The following PDE7B variants were observed in gnomAD, a reference collection of about 807,000 sequenced individuals.
PDE7B encodes the protein phosphodiesterase 7B.
Under a neutral mutation model 56.2 loss-of-function variants are expected in PDE7B, and 29 were observed. The ratio of observed to expected loss-of-function variants is 0.52; its 90% CI spans 0.38 to 0.70. PDE7B has a LOEUF of 0.70. PDE7B is among the 30% of genes least tolerant of loss of function. The probability of loss-of-function intolerance (pLI) is 0.00; values close to 1 mark genes in which losing one functional copy is unlikely to be tolerated. For missense variants in PDE7B, 490 were observed against 565.0 expected (o/e 0.87, Z 1.35); for synonymous variants, 197 against 196.9 (o/e 1.00, Z 0.00).
intron 1 of PDE7B, among the ~76,000 whole-genome samples, chr6:135,922,871 T>C (rs1015895065): frequency 6.6e-6 from 1 of 152,154 alleles, no homozygotes; most frequent in African/African-American, 2.4e-5. Flanking sequence ...GAAAAACCTT[T>C]CCTGTGGGTC....
At chr6:136,075,408 C>T (rs956876564) in intron 2 of PDE7B, among the ~76,000 whole-genome samples, 9 of 152,150 alleles carry the variant, frequency 5.9e-5, no homozygotes, top group African/African-American at 2.2e-4. Flanking sequence ...GATGACTTCT[C>T]TTTGTACGTA....
intron 1 of PDE7B, among the ~76,000 whole-genome samples, chr6:135,930,632 GT>G (rs1742953607): frequency 6.6e-6 from 1 of 152,178 alleles, no homozygotes; most frequent in Non-Finnish European, 1.5e-5. Context: ...GTTGTTTGGA[GT>G]TTGGAGGGAA....
chr6:136,052,911 C>T (rs961430432), intron 2 of PDE7B, among the ~76,000 whole-genome samples: 4 of 151,988 alleles, frequency 2.6e-5, no homozygotes, highest in Non-Finnish European at 4.4e-5. Flanking sequence ...CCCCCAGTTG[C>T]GGACATATTC....
At chr6:135,867,081 A>G (rs1775275519) in intron 1 of PDE7B, among the ~76,000 whole-genome samples, 1 of 152,160 alleles carries the variant, frequency 6.6e-6, no homozygotes, top group Admixed American at 6.6e-5. Flanking sequence ...TAAATGTAAA[A>G]TATGCTAAGT....
chr6:135,999,979 C>A (rs1205868076), intron 2 of PDE7B, among the ~76,000 whole-genome samples: 2 of 152,216 alleles, frequency 1.3e-5, no homozygotes, highest in African/African-American at 4.8e-5. Context: ...GATGGTATCA[C>A]ATTGTGGCTT....
chr6:136,082,845 C>G (rs1294582559), intron 2 of PDE7B, among the ~76,000 whole-genome samples: 4 of 152,072 alleles, frequency 2.6e-5, no homozygotes, highest in African/African-American at 2.4e-5. Flanking sequence ...GGAAAACAAA[C>G]AGTAAAAGAC....
Position 136,149,115 on chromosome 6 carries a change from A to AT in PDE7B, c.351dup (p.Asp118Ter). On this transcript the variant is annotated frameshift_variant, in exon 5 of 13. Coordinates refer to ENST00000308191, the MANE Select transcript of PDE7B (RefSeq NM_018945.4). LOFTEE classifies it high-confidence loss of function. ...ATGCTCTCCAAAGTGGGAATGTGGG[A>AT]TTTTGACATTTTCTTGTTTGATCGC... 6.2e-7 allele frequency: 1 copy of AT among 1,613,016 alleles called. No individual in the cohort carries two copies. Among genetic ancestry groups the AT allele is most frequent in the Non-Finnish European group, 8.5e-7 (1 of 1,179,116 alleles).
chr6:136,046,867 C>T (rs11154851), intron 2 of PDE7B, among the ~76,000 whole-genome samples: 10,189 of 152,120 alleles, frequency 0.067, 436 homozygotes, highest in African/African-American at 0.12. Context: ...CAAAACAAAA[C>T]CCGAAAACCT....
chr6:136,124,563 C>T (rs1361256741), intron 3 of PDE7B, among the ~76,000 whole-genome samples: 1 of 152,172 alleles, frequency 6.6e-6, no homozygotes, highest in African/African-American at 2.4e-5. Context: ...GAGAGTAATG[C>T]TGTGCCCTCA....
At chr6:136,108,857 C>CAA in intron 3 of PDE7B, 43 bp downstream of exon 3, 2 of 1,182,870 alleles carry the variant, frequency 1.7e-6, no homozygotes, top group Admixed American at 1.9e-5. Context: ...ACGTTTTCTT[C>CAA]AAAAAGAAAA....
chr6:135,937,874 T>C lies in PDE7B; in HGVS notation c.22-9590T>C, dbSNP rs114364228. Among the ~76,000 whole-genome samples the C allele has an allele frequency of 1.0e-3, 156 of 152,318 alleles. 1 individual carries two copies. Among genetic ancestry groups the C allele is most frequent in the African/African-American group, 3.4e-3 (143 of 41,570 alleles). The stretch of plus-strand genomic sequence containing the variant: ...AACCCCATGATTTACATGGTAGAAC[T>C]GTGCTTTGTATCTTGTACACACTAC... On this transcript the variant is annotated intron_variant, in intron 1 of 12. Transcript: ENST00000308191.
intron 2 of PDE7B, among the ~76,000 whole-genome samples, chr6:136,029,256 T>C (rs776507163): frequency 2.6e-5 from 4 of 152,112 alleles, no homozygotes; most frequent in Non-Finnish European, 5.9e-5. Flanking sequence ...CACAATTTAA[T>C]AGTAGCCTCA....
At chr6:136,052,919 T>A (rs941538920) in intron 2 of PDE7B, among the ~76,000 whole-genome samples, 1 of 152,066 alleles carries the variant, frequency 6.6e-6, no homozygotes, top group African/African-American at 2.4e-5. Flanking sequence ...TGCGGACATA[T>A]TCTTGATCCC....
intron 2 of PDE7B, among the ~76,000 whole-genome samples, chr6:135,982,074 G>A (rs534833739): frequency 1.3e-5 from 2 of 151,920 alleles, no homozygotes; most frequent in Admixed American, 6.6e-5. Flanking sequence ...TGACCCACAC[G>A]GTCTTACACA....
At chr6:136,154,575 A>G (rs1025285734) in intron 7 of PDE7B, among the ~76,000 whole-genome samples, 1 of 152,190 alleles carries the variant, frequency 6.6e-6, no homozygotes, top group African/African-American at 2.4e-5. Flanking sequence ...TTGATCAACA[A>G]ATGGAATCAA....
intron 2 of PDE7B, among the ~76,000 whole-genome samples, chr6:136,002,272 C>G (rs1007975752): frequency 6.6e-6 from 1 of 152,146 alleles, no homozygotes; most frequent in Non-Finnish European, 1.5e-5. Flanking sequence ...ACCGTCAAGG[C>G]TAGGAAGAAA....
intron 1 of PDE7B, among the ~76,000 whole-genome samples, chr6:135,859,059 G>GAA (rs545178102): frequency 8.0e-6 from 1 of 124,808 alleles, no homozygotes; most frequent in African/African-American, 3.0e-5. Flanking sequence ...TTCCAGGAGA[G>GAA]AAAAAAAAAA....
At chr6:135,946,682 T>C (rs1774601198) in intron 1 of PDE7B, among the ~76,000 whole-genome samples, 1 of 152,154 alleles carries the variant, frequency 6.6e-6, no homozygotes. Flanking sequence ...CTATGTTTAT[T>C]GACCATTCAG....
chr6:135,900,104 G>GT (rs1775973153), intron 1 of PDE7B, among the ~76,000 whole-genome samples: 3 of 151,646 alleles, frequency 2.0e-5, no homozygotes, highest in South Asian at 2.1e-4. Context: ...GTGTGTTCTG[G>GT]TTTTTTTAAA....
Sources: allele counts gnomAD v4.1 joint callset (sites outside exome capture counted in the v4.1 genomes callset), GRCh38; gene constraint gnomAD v4.1.1; transcripts MANE v1.5; gene names NCBI Gene and HGNC (gene_info 2026-07-23, HGNC 2026-07-21).